Variants in LAMA3 observed in about 807,000 individuals in gnomAD.
LAMA3 encodes laminin subunit alpha-3.
Under a neutral mutation model 402.0 loss-of-function variants are expected in LAMA3, and 281 were observed. The observed-to-expected ratio is 0.70, with a 90% CI of 0.63 to 0.77. The LOEUF (loss-of-function observed/expected upper bound fraction) is 0.77. Ranked by LOEUF, LAMA3 falls within the 30% of genes least tolerant of loss-of-function variation. The pLI is 0.00. For synonymous variants in LAMA3, 1,431 were observed against 1,558.4 expected (o/e 0.92, Z 1.93); for missense variants, 3,840 against 4,215.5 (o/e 0.91, Z 2.47).
At chr18:23,806,588 G>C (rs1402547312) in intron 12 of LAMA3, among the ~76,000 whole-genome samples, 2 of 152,250 alleles carry the variant, frequency 1.3e-5, no homozygotes, top group South Asian at 2.1e-4. Flanking sequence ...AGACTCGTTG[G>C]AATTTAGGGG....
At chr18:23,708,424 A>G (rs1211697077) in intron 1 of LAMA3, among the ~76,000 whole-genome samples, 1 of 152,172 alleles carries the variant, frequency 6.6e-6, no homozygotes, top group African/African-American at 2.4e-5. Context: ...CTGGCATAAT[A>G]TTGTCTCTAT....
chr18:23,765,897 G>A (rs1416038968), intron 8 of LAMA3, among the ~76,000 whole-genome samples: 1 of 152,008 alleles, frequency 6.6e-6, no homozygotes, highest in Non-Finnish European at 1.5e-5. Context: ...TAGATTAGTA[G>A]AATTTATCTA....
chr18:23,708,563 T>TG (rs2060931974), intron 1 of LAMA3, among the ~76,000 whole-genome samples: 1 of 152,162 alleles, frequency 6.6e-6, no homozygotes, highest in Non-Finnish European at 1.5e-5. Flanking sequence ...TTGAGATACT[T>TG]GATGTTCTCT....
In LAMA3 at chr18:23,933,812, G is replaced by T; in HGVS notation, c.8739G>T (p.Leu2913Phe). 6.2e-7 allele frequency: 1 copy of T among 1,614,098 alleles called. No homozygotes were observed. Among genetic ancestry groups the T allele is most frequent in the South Asian group, 1.1e-5 (1 of 91,062 alleles). Residue 2913 changes from leucine (L) to phenylalanine (F), a missense_variant, in exon 67 of 75, where the codon TTG becomes TTT. Physicochemically the swap from Leu to Phe is conservative, Grantham distance 22. Transcript: ENST00000313654. ...RLSLSPEVLD[L>F]TSNSLKRDVS... Reference sequence around the variant, plus strand: ...CACTGAGTCCTGAAGTCCTAGATTTGACCAGTAACTCTCTCAAGAGAGATG... The same window carrying T: ...CACTGAGTCCTGAAGTCCTAGATTTTACCAGTAACTCTCTCAAGAGAGATG...
intron 8 of LAMA3, among the ~76,000 whole-genome samples, chr18:23,772,044 CT>C (rs35056110): frequency 0.03 from 4,273 of 140,960 alleles, 65 homozygotes; most frequent in African/African-American, 0.06. Context: ...TGATCGAAGT[CT>C]TTTTTTTTTT....
At chr18:23,770,573 A>C (rs1282476198) in intron 8 of LAMA3, among the ~76,000 whole-genome samples, 1 of 152,058 alleles carries the variant, frequency 6.6e-6, no homozygotes, top group Non-Finnish European at 1.5e-5. Context: ...CATCCTGGCT[A>C]ATACGGTGAA....
intron 38 of LAMA3, 50 bp downstream of exon 38, chr18:23,871,711 G>A (rs377746471): frequency 2.5e-5 from 36 of 1,453,352 alleles, no homozygotes; most frequent in South Asian, 3.6e-5. Flanking sequence ...TCCTGTGGCC[G>A]TTTTTGGCTG....
At chr18:23,794,844 G>A (rs781010487) in intron 12 of LAMA3, among the ~76,000 whole-genome samples, 2 of 151,994 alleles carry the variant, frequency 1.3e-5, no homozygotes, top group Non-Finnish European at 1.5e-5. Context: ...TGTTTCTAGG[G>A]AATTCTATTA....
intron 2 of LAMA3, among the ~76,000 whole-genome samples, chr18:23,740,660 G>T (rs2061546736): frequency 6.6e-6 from 1 of 152,148 alleles, no homozygotes; most frequent in Non-Finnish European, 1.5e-5. Context: ...ATTCTGGGCA[G>T]GCTGCCATGT....
intron 44 of LAMA3, 91 bp downstream of exon 44, chr18:23,895,149 G>A: frequency 7.0e-7 from 1 of 1,432,814 alleles, no homozygotes; most frequent in South Asian, 1.2e-5. Flanking sequence ...GTTGACTCCT[G>A]GAAAGGCTCA....
At chr18:23,812,034 T>C (rs1012160710) in intron 13 of LAMA3, among the ~76,000 whole-genome samples, 15 of 151,756 alleles carry the variant, frequency 9.9e-5, no homozygotes, top group Admixed American at 1.3e-4. Flanking sequence ...CCACCATGCC[T>C]AGCTAATTTT....
In LAMA3 at chr18:23,753,800, A is replaced by G; in HGVS notation, c.935A>G (p.Asn312Ser). 6.2e-7 allele frequency: 1 copy of G among 1,612,424 alleles called. No homozygotes were observed. Among genetic ancestry groups the G allele is most frequent in the Non-Finnish European group, 8.5e-7 (1 of 1,178,466 alleles). ...NGHAEVCNIN[N>S]PEKLFRCECQ... is the part of the protein sequence containing the mutation. ...CATGCTGAAGTGTGCAATATAAACAATCCTGAAAAACTGTAAGTACACTGT... is the reference window on the plus strand; with the variant it reads ...CATGCTGAAGTGTGCAATATAAACAGTCCTGAAAAACTGTAAGTACACTGT... The change falls in exon 6 of 75, where the codon AAT becomes AGT. Residue 312 changes from asparagine (N) to serine (S), a missense_variant. Physicochemically the swap from Asn to Ser is conservative, Grantham distance 46. Transcript: ENST00000313654.
intron 73 of LAMA3, among the ~76,000 whole-genome samples, chr18:23,952,107 C>A (rs74438404): frequency 6.6e-6 from 1 of 152,324 alleles, no homozygotes; most frequent in Non-Finnish European, 1.5e-5. Flanking sequence ...GAACAGAGGT[C>A]AAATCTTAGT....
At position 23,904,079 on chromosome 18, in the gene LAMA3, G is replaced by A; in HGVS notation, c.6465G>A (p.Gln2155=). The change falls in exon 50 of 75, where the codon CAG becomes CAA. Residue 2155 remains glutamine (Q), a synonymous_variant. Transcript: ENST00000313654. ...GGTCCTTACAAGAGCTGGCAAAGCA[G>A]CTGGAAGAGTGAGTGCATGGCCCAG... is the stretch of plus-strand genomic sequence containing the variant. ...HARSLQELAK[Q]LEEIKRNASG... 1 of 1,613,674 alleles carries A rather than the reference G, an allele frequency of 6.2e-7. No individual in the cohort carries two copies. The highest frequency in any genetic ancestry group is 8.5e-7 in the Non-Finnish European group (1 of 1,180,028).
chr18:23,691,761 A>G (rs2060592565), intron 1 of LAMA3, among the ~76,000 whole-genome samples: 1 of 152,168 alleles, frequency 6.6e-6, no homozygotes, highest in Non-Finnish European at 1.5e-5. Flanking sequence ...TTGTAGAGAC[A>G]AGGTTTTGCC....
At chr18:23,730,525 G>A (rs540774724) in intron 2 of LAMA3, among the ~76,000 whole-genome samples, 4 of 151,784 alleles carry the variant, frequency 2.6e-5, no homozygotes, top group South Asian at 2.1e-4. Flanking sequence ...CCACCATCAC[G>A]CCCAGCTAAT....
intron 8 of LAMA3, among the ~76,000 whole-genome samples, chr18:23,772,924 C>G (rs16940264): frequency 0.024 from 3,647 of 152,294 alleles, 151 homozygotes; most frequent in African/African-American, 0.083. Flanking sequence ...AAAGAGCTGC[C>G]TAGTATTGTA....
chr18:23,953,325 G>GTTTT (rs60412950), intron 74 of LAMA3, among the ~76,000 whole-genome samples: 2 of 133,988 alleles, frequency 1.5e-5, no homozygotes. Context: ...CTGTAATTTT[G>GTTTT]TTTTTTTTTT....
chr18:23,748,237 T>C (rs1437633028), intron 3 of LAMA3, among the ~76,000 whole-genome samples, 177 bp downstream of exon 3: 2 of 152,120 alleles, frequency 1.3e-5, no homozygotes, highest in Non-Finnish European at 2.9e-5. Context: ...GAGACCAGCC[T>C]GGCCAACATG....
Sources: gnomAD v4.1 joint callset for allele counts (sites outside exome capture counted in the v4.1 genomes callset) on GRCh38, gnomAD v4.1.1 for gene constraint, MANE v1.5 for transcripts, NCBI Gene and HGNC (gene_info 2026-07-23, HGNC 2026-07-21) for gene names.